Variants in HERC4 observed in about 807,000 individuals in gnomAD.
HERC4 encodes probable E3 ubiquitin-protein ligase HERC4.
HERC4 carries 28 observed loss-of-function variants against 124.3 expected under a neutral mutation model. The ratio of observed to expected loss-of-function variants is 0.23; its 90% CI spans 0.17 to 0.31. The LOEUF (loss-of-function observed/expected upper bound fraction) is 0.31, where lower values mean the gene tolerates loss of function less well. Ranked by LOEUF, HERC4 falls within the 10% of genes least tolerant of loss-of-function variation. The pLI is 1.00. For synonymous variants in HERC4, 407 were observed against 421.5 expected, an observed-to-expected ratio of 0.97 and a Z score of 0.42; for missense variants, 713 against 1,229.3, an observed-to-expected ratio of 0.58 and a Z score of 6.28.
chr10:68,035,692 C>T (rs868831931), intron 5 of HERC4, among the ~76,000 whole-genome samples: 7 of 152,132 alleles, frequency 4.6e-5, no homozygotes, highest in Non-Finnish European at 1.5e-5. Context: ...TCATATCAGT[C>T]ACTCACTATA....
At chr10:68,024,228 A>G (rs2038788835) in intron 8 of HERC4, among the ~76,000 whole-genome samples, 1 of 152,184 alleles carries the variant, frequency 6.6e-6, no homozygotes, top group Non-Finnish European at 1.5e-5. Context: ...CAAATTATGA[A>G]ATAACAATAA....
chr10:68,062,160 T>A (rs918615715), intron 3 of HERC4, among the ~76,000 whole-genome samples: 19 of 152,128 alleles, frequency 1.2e-4, no homozygotes, highest in African/African-American at 4.1e-4. Flanking sequence ...TTAGCCCTGA[T>A]CTTTCTCCCC....
At chr10:68,035,950 G>A (rs776765538) in intron 5 of HERC4, among the ~76,000 whole-genome samples, 20 of 152,148 alleles carry the variant, frequency 1.3e-4, no homozygotes, top group African/African-American at 2.9e-4. Context: ...ACTATATCAC[G>A]AAGGCTAGTA....
At chr10:68,064,199 A>C (rs1400566010) in intron 3 of HERC4, among the ~76,000 whole-genome samples, 1 of 152,114 alleles carries the variant, frequency 6.6e-6, no homozygotes, top group African/African-American at 2.4e-5. Context: ...AGATCATGCC[A>C]CTGCACTCCA....
intron 9 of HERC4, among the ~76,000 whole-genome samples, chr10:68,011,471 G>C (rs2037950753): frequency 6.6e-6 from 1 of 152,208 alleles, no homozygotes; most frequent in East Asian, 1.9e-4. Flanking sequence ...TCCTACAGCA[G>C]CAGAATGGAT....
intron 9 of HERC4, among the ~76,000 whole-genome samples, chr10:68,002,923 C>T (rs1268926074): frequency 6.6e-6 from 1 of 151,796 alleles, no homozygotes; most frequent in African/African-American, 2.4e-5. Flanking sequence ...TATGAGTACA[C>T]AGTAGGTATA....
rs146643270 is a variant in HERC4, at chr10:68,073,306, C to T, written c.-78-120G>A. ...AACATTAAATATACTTTATAACATG[C>T]TACATAAGTATCATTCAGTTTCAAA... On this transcript the variant is annotated intron_variant, in intron 2 of 24. Transcript: ENST00000373700. The T allele has an allele frequency of 5.7e-4, 296 of 516,818 alleles. 2 individuals carry two copies. In the East Asian group the frequency reaches 9.1e-3, roughly 16 times the overall value. 32.0% of individuals were successfully genotyped at this position (516,818 alleles called of 1,614,324 possible). A position where few individuals can be genotyped will look rare whatever the true frequency, so the allele number is the denominator to read the frequency against.
intron 11 of HERC4, among the ~76,000 whole-genome samples, chr10:67,991,923 G>A (rs377738455): frequency 6.6e-6 from 1 of 151,846 alleles, no homozygotes; most frequent in Non-Finnish European, 1.5e-5. Flanking sequence ...TTGGAGACAA[G>A]TTCTCACTTT....
intron 4 of HERC4, chr10:68,039,406 T>G: frequency 1.3e-6 from 2 of 1,549,960 alleles, no homozygotes; most frequent in Non-Finnish European, 1.7e-6. Flanking sequence ...TACCTGATAC[T>G]GTCACCTGAC....
intron 3 of HERC4, among the ~76,000 whole-genome samples, chr10:68,058,839 A>G (rs1352030658): frequency 7.0e-6 from 1 of 143,166 alleles, no homozygotes; most frequent in African/African-American, 2.8e-5. Context: ...TCTAATTCCA[A>G]AAAAAAAAAA....
At chr10:68,052,799 A>G (rs1200364901) in intron 3 of HERC4, among the ~76,000 whole-genome samples, 2 of 152,222 alleles carry the variant, frequency 1.3e-5, no homozygotes, top group African/African-American at 4.8e-5. Context: ...CTGAATTGTG[A>G]AACATCTCCC....
chr10:68,002,356 T>C (rs1472584491), intron 9 of HERC4, among the ~76,000 whole-genome samples: 1 of 152,066 alleles, frequency 6.6e-6, no homozygotes, highest in Non-Finnish European at 1.5e-5. Flanking sequence ...AAGAAGACAA[T>C]TCTGAGGAAG....
At chr10:68,055,324 A>G (rs879617191) in intron 3 of HERC4, among the ~76,000 whole-genome samples, 2 of 152,232 alleles carry the variant, frequency 1.3e-5, no homozygotes, top group African/African-American at 4.8e-5. Context: ...CATAGCCAAG[A>G]AAGTATTTTA....
chr10:68,046,568 A>AT (rs2040021380), intron 3 of HERC4, among the ~76,000 whole-genome samples: 1 of 152,230 alleles, frequency 6.6e-6, no homozygotes, highest in Non-Finnish European at 1.5e-5. Context: ...CTAGCCCTCA[A>AT]TGAGTTTACA....
At chr10:67,981,395 T>C (rs1474137996) in intron 15 of HERC4, among the ~76,000 whole-genome samples, 1 of 152,120 alleles carries the variant, frequency 6.6e-6, no homozygotes, top group Non-Finnish European at 1.5e-5. Context: ...GCAAATATTA[T>C]TAGAGTTAAA....
chr10:67,971,583 C>T (rs1220085775), intron 15 of HERC4, among the ~76,000 whole-genome samples: 1 of 151,938 alleles, frequency 6.6e-6, no homozygotes, highest in Non-Finnish European at 1.5e-5. Context: ...AATTCAAATC[C>T]ATTTATAATA....
intron 15 of HERC4, among the ~76,000 whole-genome samples, chr10:67,979,663 G>A (rs1447623830): frequency 6.6e-6 from 1 of 152,044 alleles, no homozygotes; most frequent in Admixed American, 6.6e-5. Context: ...AACTTCCAAA[G>A]GTCAATGATA....
chr10:68,059,661 T>A (rs1488460344), intron 3 of HERC4, among the ~76,000 whole-genome samples: 2 of 62,556 alleles, frequency 3.2e-5, no homozygotes, highest in Non-Finnish European at 4.6e-5. Context: ...ATATATCATA[T>A]TATATATTAT....
chr10:68,060,788 G>T (rs1475677157), intron 3 of HERC4, among the ~76,000 whole-genome samples: 1 of 152,048 alleles, frequency 6.6e-6, no homozygotes, highest in African/African-American at 2.4e-5. Context: ...TCCTATTAGA[G>T]AGCCTAGTTA....
Sources: gnomAD v4.1 joint callset for allele counts (sites outside exome capture counted in the v4.1 genomes callset) on GRCh38, gnomAD v4.1.1 for gene constraint, MANE v1.5 for transcripts, NCBI Gene and HGNC (gene_info 2026-07-23, HGNC 2026-07-21) for gene names.